Variants in CGGBP1 observed in about 807,000 individuals in gnomAD.
The protein encoded by CGGBP1 is CGG triplet repeat-binding protein 1.
CGGBP1 carries 4 observed loss-of-function variants against 11.4 expected under a neutral mutation model. The observed-to-expected ratio is 0.35, with a 90% CI of 0.17 to 0.80. CGGBP1 has a LOEUF of 0.80. Among genes scored for constraint, CGGBP1 ranks in the 30% least tolerant of loss-of-function variants. The pLI, the probability that CGGBP1 is intolerant of heterozygous loss-of-function variation, is 0.52. For synonymous variants in CGGBP1, 76 were observed against 74.1 expected (o/e 1.03, Z -0.13); for missense variants, 135 against 202.1 (o/e 0.67, Z 2.01).
At chr3:88,134,187 T>C (rs1431733987) in intron 2 of CGGBP1, among the ~76,000 whole-genome samples, 1 of 152,026 alleles carries the variant, frequency 6.6e-6, no homozygotes, top group African/African-American at 2.4e-5. Context: ...GTTTTACTAC[T>C]CATATGTTGC....
At position 88,054,587 on chromosome 3, in the gene CGGBP1, C is replaced by A. The variant is rs1181323425; in HGVS notation, c.*886G>T. On this transcript the variant is annotated 3_prime_UTR_variant, in exon 4 of 4. Transcript: ENST00000482016. ...TGAATAGAAAGTAATTTTATCTGAT[C>A]TGTCAGCCAAAAAAAAATTACTAAT... is the stretch of plus-strand genomic sequence containing the variant. 3 of 151,748 alleles carry A rather than the reference C, an allele frequency of 2.0e-5. No homozygotes were observed. Among genetic ancestry groups the A allele is most frequent in the Non-Finnish European group, 4.4e-5 (3 of 67,960 alleles). The allele number at this position is 151,748 out of a possible 1,614,324, so 9.4% of individuals were successfully genotyped here. A position where few individuals can be genotyped will look rare whatever the true frequency, so the allele number is the denominator to read the frequency against.
intron 2 of CGGBP1, chr3:88,139,320 A>T (rs964936560): frequency 6.2e-7 from 1 of 1,602,782 alleles, no homozygotes; most frequent in African/African-American, 1.3e-5. Context: ...TATGTTATGT[A>T]ACAAGGAATT....
intron 2 of CGGBP1, among the ~76,000 whole-genome samples, chr3:88,127,381 G>A (rs1405175240): frequency 6.6e-6 from 1 of 152,000 alleles, no homozygotes; most frequent in African/African-American, 2.4e-5. Flanking sequence ...ACGTGACAGT[G>A]TTATGAAGAA....
chr3:88,141,147 T>C, intron 1 of CGGBP1: 1 of 1,368,744 alleles, frequency 7.3e-7, no homozygotes, highest in East Asian at 2.4e-5. Flanking sequence ...TTGATATTTG[T>C]GTAGCACAGG....
chr3:88,077,254 A>AT (rs1261085872), intron 2 of CGGBP1, among the ~76,000 whole-genome samples: 1 of 151,806 alleles, frequency 6.6e-6, no homozygotes, highest in Non-Finnish European at 1.5e-5. Flanking sequence ...ACTCACCAAT[A>AT]TAGGCAGTGT....
chr3:88,066,111 G>A (rs1310908316), intron 2 of CGGBP1, among the ~76,000 whole-genome samples: 3 of 152,152 alleles, frequency 2.0e-5, no homozygotes, highest in Non-Finnish European at 2.9e-5. Context: ...TTTCCCCAAA[G>A]CATGTGAGAT....
chr3:88,147,591 G>A (rs1286608416), intron 1 of CGGBP1, among the ~76,000 whole-genome samples: 1 of 152,210 alleles, frequency 6.6e-6, no homozygotes, highest in Non-Finnish European at 1.5e-5. Context: ...AGCCATGTGT[G>A]GCTATTAAAA....
chr3:88,148,764 C>A (rs1281380088), intron 1 of CGGBP1, among the ~76,000 whole-genome samples: 1 of 152,142 alleles, frequency 6.6e-6, no homozygotes, highest in Non-Finnish European at 1.5e-5. Flanking sequence ...CCTCAGCCTC[C>A]GAGTAGCTGG....
At chr3:88,071,845 T>A (rs4858989) in intron 2 of CGGBP1, among the ~76,000 whole-genome samples, 1 of 152,132 alleles carries the variant, frequency 6.6e-6, no homozygotes, top group African/African-American at 2.4e-5. Flanking sequence ...AACTTCACTT[T>A]TGAAGCCATT....
At chr3:88,115,925 C>G (rs532056995) in intron 2 of CGGBP1, among the ~76,000 whole-genome samples, 1 of 152,188 alleles carries the variant, frequency 6.6e-6, no homozygotes, top group South Asian at 2.1e-4. Flanking sequence ...GTCAGTTGCT[C>G]AGGGATGAAG....
At chr3:88,142,072 CA>C (rs1707160224) in intron 1 of CGGBP1, 1 of 155,698 alleles carries the variant, frequency 6.4e-6, no homozygotes, top group Non-Finnish European at 1.4e-5. Flanking sequence ...TTTTATTCTA[CA>C]AATGGGGTTT....
chr3:88,110,014 C>T (rs754999393), intron 2 of CGGBP1, among the ~76,000 whole-genome samples: 2 of 152,062 alleles, frequency 1.3e-5, no homozygotes, highest in African/African-American at 2.4e-5. Flanking sequence ...CTGAGCAGAA[C>T]AAACCTCTGA....
chr3:88,099,833 T>C (rs1236824415), intron 2 of CGGBP1, among the ~76,000 whole-genome samples: 1 of 152,154 alleles, frequency 6.6e-6, no homozygotes, highest in Non-Finnish European at 1.5e-5. Flanking sequence ...TCAAGATGGA[T>C]TAAAGACTTA....
intron 2 of CGGBP1, among the ~76,000 whole-genome samples, chr3:88,133,189 G>C (rs1706567793): frequency 6.6e-6 from 1 of 152,016 alleles, no homozygotes; most frequent in Non-Finnish European, 1.5e-5. Flanking sequence ...TGCAGAGGAG[G>C]GTCACATAGG....
At chr3:88,098,727 A>C (rs1274542080) in intron 2 of CGGBP1, among the ~76,000 whole-genome samples, 1 of 152,218 alleles carries the variant, frequency 6.6e-6, no homozygotes, top group African/African-American at 2.4e-5. Flanking sequence ...CCAAAGACAA[A>C]AACCACATGA....
In CGGBP1 at chr3:88,054,548, T is replaced by C. The variant is rs1706498048; in HGVS notation, c.*925A>G. 6.6e-6 allele frequency: 1 copy of C among 152,166 alleles called. No individual in the cohort carries two copies. 9.4% of individuals were successfully genotyped at this position (152,166 alleles called of 1,614,324 possible). On this transcript the variant is annotated 3_prime_UTR_variant, in exon 4 of 4. Transcript: ENST00000482016. ...TCACCTAAATAAACTCATAAAGTTG[T>C]AGAGAAAAATTAATGAATAGAAAGT...
intron 1 of CGGBP1, among the ~76,000 whole-genome samples, chr3:88,148,026 C>A (rs1019559291): frequency 6.6e-6 from 1 of 152,200 alleles, no homozygotes; most frequent in African/African-American, 2.4e-5. Flanking sequence ...CTTGCTCAAA[C>A]GGGCTCCAGT....
upstream of CGGBP1, among the ~76,000 whole-genome samples, chr3:88,062,200 A>G (rs2107582886): frequency 6.6e-6 from 1 of 152,310 alleles, no homozygotes; most frequent in African/African-American, 2.4e-5. Context: ...AAGGTAGGGG[A>G]AAGTAACTTT....
upstream of CGGBP1, among the ~76,000 whole-genome samples, chr3:88,061,677 C>G (rs1706892107): frequency 6.6e-6 from 1 of 152,022 alleles, no homozygotes. Context: ...TAAAATTCTA[C>G]CATAGTAATT....
Sources: allele counts gnomAD v4.1 joint callset (sites outside exome capture counted in the v4.1 genomes callset), GRCh38; gene constraint gnomAD v4.1.1; transcripts MANE v1.5; gene names NCBI Gene and HGNC (gene_info 2026-07-23, HGNC 2026-07-21).